The following SPATA6 variants were observed in gnomAD, a reference collection of about 807,000 sequenced individuals.
SPATA6 encodes the protein spermatogenesis associated 6, also known as spermatogenesis-associated protein 6.
Under a neutral mutation model 65.3 loss-of-function variants are expected in SPATA6, and 56 were observed. That is an observed-to-expected ratio of 0.86 (90% CI 0.69 to 1.07). SPATA6 has a LOEUF of 1.07. Ranked by LOEUF, SPATA6 falls within the 50% of genes least tolerant of loss-of-function variation. The pLI, the probability that SPATA6 is intolerant of heterozygous loss-of-function variation, is 0.00. For missense variants in SPATA6, 590 were observed against 594.8 expected, an observed-to-expected ratio of 0.99 and a Z score of 0.08; for synonymous variants, 199 against 213.2, an observed-to-expected ratio of 0.93 and a Z score of 0.58.
chr1:48,298,557 A>T lies in SPATA6; in HGVS notation c.*156T>A. On this transcript the variant is annotated 3_prime_UTR_variant, in exon 13 of 13. Coordinates refer to ENST00000371847, the MANE Select transcript of SPATA6 (RefSeq NM_019073.4). ...TTATTTTAAAAGGCTTGCCTATGAT[A>T]ATTTACCATTTGAAGTAATGAACTT... The T allele has an allele frequency of 1.5e-6, 1 of 662,208 alleles. No homozygotes were observed. Among genetic ancestry groups the T allele is most frequent in the East Asian group, 2.9e-5 (1 of 34,768 alleles). The allele number at this position is 662,208 out of a possible 1,614,324, so 41.0% of individuals were successfully genotyped here.
At chr1:48,459,745 AT>A (rs978748820) in intron 1 of SPATA6, among the ~76,000 whole-genome samples, 11 of 152,270 alleles carry the variant, frequency 7.2e-5, no homozygotes, top group African/African-American at 2.4e-4. Flanking sequence ...AAGGACATAA[AT>A]TTTTTTAAAA....
At chr1:48,442,955 C>A (rs192823938) in intron 3 of SPATA6, among the ~76,000 whole-genome samples, 2 of 152,162 alleles carry the variant, frequency 1.3e-5, no homozygotes, top group Non-Finnish European at 2.9e-5. Flanking sequence ...GAATCTAAAT[C>A]TTAACTAATT....
At chr1:48,377,327 G>A (rs1327460292) in intron 9 of SPATA6, among the ~76,000 whole-genome samples, 2 of 152,130 alleles carry the variant, frequency 1.3e-5, no homozygotes, top group African/African-American at 4.8e-5. Flanking sequence ...TGCTTCTACA[G>A]GCTCAATTTA....
chr1:48,268,853 G>C, the SPATA6 span, among the ~76,000 whole-genome samples: 1 of 152,058 alleles, frequency 6.6e-6, no homozygotes, highest in African/African-American at 2.4e-5. Flanking sequence ...ACTAATGACA[G>C]GGAAAAAGGT....
intron 9 of SPATA6, among the ~76,000 whole-genome samples, chr1:48,382,356 C>T (rs1370300215): frequency 9.7e-6 from 1 of 103,534 alleles, no homozygotes; most frequent in Non-Finnish European, 2.0e-5. Context: ...ACCACCCTCC[C>T]GGACGGGGCG....
At chr1:48,354,033 A>T (rs1646587848) in intron 11 of SPATA6, among the ~76,000 whole-genome samples, 1 of 152,130 alleles carries the variant, frequency 6.6e-6, no homozygotes, top group African/African-American at 2.4e-5. Context: ...CTAAAAATGA[A>T]AGATAGACAA....
Position 48,312,079 on chromosome 1 carries a change from C to T in SPATA6, c.1195-6201G>A, listed in dbSNP as rs368119422. ...ACAAAGCGGCCAGGAAGCTCAAACT[C>T]GGTGGAGCCCACCACAGCTCAAGGA... is the stretch of plus-strand genomic sequence containing the variant. On this transcript the variant is annotated intron_variant, in intron 11 of 12. Transcript: ENST00000371847. Among the ~76,000 whole-genome samples, 7 of 152,300 alleles carry T rather than the reference C, an allele frequency of 4.6e-5. No individual in the cohort carries two copies. In the South Asian group the frequency reaches 1.0e-3, roughly 23 times the overall value.
chr1:48,360,033 T>C (rs770965192), intron 9 of SPATA6, among the ~76,000 whole-genome samples: 17 of 152,180 alleles, frequency 1.1e-4, no homozygotes, highest in Non-Finnish European at 2.4e-4. Flanking sequence ...TTTTGAGTAG[T>C]GGTGGGGTTC....
chr1:48,374,328 T>C (rs1177883603), intron 9 of SPATA6, among the ~76,000 whole-genome samples: 2 of 149,016 alleles, frequency 1.3e-5, no homozygotes, highest in Non-Finnish European at 3.0e-5. Context: ...AAAAAAGAAG[T>C]CCATTCACAA....
At chr1:48,346,313 A>G (rs72893219) in intron 11 of SPATA6, among the ~76,000 whole-genome samples, 3,902 of 152,156 alleles carry the variant, frequency 0.026, 107 homozygotes, top group African/African-American at 0.071. Flanking sequence ...ACTAAGCATT[A>G]GAGGAACATA....
chr1:48,286,026 C>A, the SPATA6 span, among the ~76,000 whole-genome samples: 1 of 152,144 alleles, frequency 6.6e-6, no homozygotes, highest in African/African-American at 2.4e-5. Flanking sequence ...TTCCACTGAT[C>A]CATGTGTCTG....
chr1:48,460,431 T>C (rs1159266679), intron 1 of SPATA6, among the ~76,000 whole-genome samples: 4 of 152,190 alleles, frequency 2.6e-5, no homozygotes, highest in Admixed American at 6.5e-5. Context: ...AGAATATCTA[T>C]GCAAAAGCCT....
intron 8 of SPATA6, among the ~76,000 whole-genome samples, chr1:48,391,624 C>T (rs1650082886): frequency 6.6e-6 from 1 of 151,944 alleles, no homozygotes; most frequent in Non-Finnish European, 1.5e-5. Flanking sequence ...TCACCCTCAC[C>T]ACCAATTAGT....
chr1:48,375,023 T>A (rs1439755312), intron 9 of SPATA6, among the ~76,000 whole-genome samples: 2 of 152,188 alleles, frequency 1.3e-5, no homozygotes, highest in Non-Finnish European at 2.9e-5. Flanking sequence ...CAGCTGACAA[T>A]CCTAGAAGTC....
chr1:48,463,918 G>C (rs1298573260), intron 1 of SPATA6, among the ~76,000 whole-genome samples: 3 of 151,470 alleles, frequency 2.0e-5, no homozygotes, highest in Non-Finnish European at 4.4e-5. Flanking sequence ...CTTATTACAG[G>C]AATAGGAATA....
At chr1:48,435,739 G>A (rs778370304) in intron 3 of SPATA6, among the ~76,000 whole-genome samples, 14 of 151,826 alleles carry the variant, frequency 9.2e-5, no homozygotes, top group African/African-American at 2.2e-4. Flanking sequence ...CGGCCTCGCC[G>A]CCCTCCCGCG....
intron 8 of SPATA6, among the ~76,000 whole-genome samples, chr1:48,390,349 G>A (rs1278840004): frequency 6.6e-6 from 1 of 152,176 alleles, no homozygotes; most frequent in African/African-American, 2.4e-5. Flanking sequence ...GTTCTCATAT[G>A]TGGAAGCTAA....
At chr1:48,294,572 A>C (rs532735118), downstream of SPATA6, among the ~76,000 whole-genome samples, 2 of 152,308 alleles carry the variant, frequency 1.3e-5, no homozygotes, top group South Asian at 4.1e-4. Context: ...ATCTGACTTC[A>C]AAATGTGTTT....
At chr1:48,313,002 T>C (rs1021890427) in intron 11 of SPATA6, among the ~76,000 whole-genome samples, 3 of 151,792 alleles carry the variant, frequency 2.0e-5, no homozygotes, top group African/African-American at 7.3e-5. Flanking sequence ...AAAAAATAAA[T>C]AAAAAGAAAC....
Sources: allele counts gnomAD v4.1 joint callset (sites outside exome capture counted in the v4.1 genomes callset), GRCh38; gene constraint gnomAD v4.1.1; transcripts MANE v1.5; gene names NCBI Gene and HGNC (gene_info 2026-07-23, HGNC 2026-07-21).